The following CHEK2 variants were observed in gnomAD, a reference collection of about 807,000 sequenced individuals.
The protein encoded by CHEK2 is checkpoint kinase 2.
Under a neutral mutation model 69.1 loss-of-function variants are expected in CHEK2, and 71 were observed. The observed-to-expected ratio is 1.03, with a 90% CI of 0.85 to 1.25. The LOEUF (loss-of-function observed/expected upper bound fraction) is 1.25. Among genes scored for constraint, CHEK2 ranks in the 50% most tolerant of loss-of-function variants. The probability of loss-of-function intolerance (pLI) is 0.00; values close to 1 mark genes in which losing one functional copy is unlikely to be tolerated. For missense variants in CHEK2, 664 were observed against 649.6 expected, an observed-to-expected ratio of 1.02 and a Z score of -0.24; for synonymous variants, 189 against 226.9, an observed-to-expected ratio of 0.83 and a Z score of 1.50.
At chr22:28,694,250 C>T in intron 12 of CHEK2, 133 bp from the exon 13 acceptor site, 1 of 706,722 alleles carries the variant, frequency 1.4e-6, no homozygotes, top group Non-Finnish European at 2.6e-6. Flanking sequence ...GCAGACAGGG[C>T]CCCCTAATCT....
Position 28,703,551 on chromosome 22 carries a change from T to C in CHEK2, c.862A>G (p.Ile288Val), listed in dbSNP as rs1341939689. ...KKLNHPCIIK[I>V]KNFFDAEDYY... is the part of the protein sequence containing the mutation. ...TCTTCTGCATCAAAAAAGTTTTTAA[T>C]CTTGATGATGCAAGGCTAAGAAGAG... The change falls in exon 8 of 15, where the codon ATT becomes GTT. Residue 288 changes from isoleucine to valine, a missense_variant. Ile to Val is a conservative substitution (Grantham distance 29, BLOSUM62 3). Transcript: ENST00000404276. 2 of 1,561,252 alleles carry C rather than the reference T, an allele frequency of 1.3e-6. No individual in the cohort carries two copies. Among genetic ancestry groups the C allele is most frequent in the Admixed American group, 3.5e-5 (2 of 57,134 alleles).
chr22:28,695,975 T>C (rs1601724048), intron 10 of CHEK2, 102 bp from the exon 11 acceptor site: 2 of 874,812 alleles, frequency 2.3e-6, no homozygotes, highest in Non-Finnish European at 3.8e-6. Context: ...GATCAGTTTC[T>C]ATTGTACAAT....
At chr22:28,731,550 C>T (rs1410139905) in intron 2 of CHEK2, among the ~76,000 whole-genome samples, 1 of 151,050 alleles carries the variant, frequency 6.6e-6, no homozygotes, top group African/African-American at 2.4e-5. Context: ...GAGCCAAGAT[C>T]GTACCACTGC....
intron 7 of CHEK2, 82 bp downstream of exon 7, chr22:28,709,924 C>A: frequency 3.5e-6 from 3 of 859,336 alleles, no homozygotes; most frequent in Non-Finnish European, 1.9e-6. Flanking sequence ...CCAATATTAT[C>A]TTTATTATAC....
chr22:28,710,838 A>G (rs1660149461), intron 6 of CHEK2, among the ~76,000 whole-genome samples: 1 of 152,250 alleles, frequency 6.6e-6, no homozygotes, highest in African/African-American at 2.4e-5. Flanking sequence ...CTCTGATAAC[A>G]GGATGGTCAC....
chr22:28,711,836 T>A, intron 6 of CHEK2, 73 bp downstream of exon 6: 5 of 1,043,800 alleles, frequency 4.8e-6, no homozygotes, highest in Non-Finnish European at 7.5e-6. Context: ...TTAAAAATCA[T>A]CAATCTAAGA....
intron 7 of CHEK2, among the ~76,000 whole-genome samples, chr22:28,707,411 G>A (rs1424757532): frequency 3.3e-5 from 5 of 152,118 alleles, no homozygotes; most frequent in Non-Finnish European, 5.9e-5. Context: ...CTTCTCAAAC[G>A]ACTTCTCAGC....
intron 1 of CHEK2, among the ~76,000 whole-genome samples, chr22:28,740,391 A>G (rs560481357): frequency 1.4e-3 from 209 of 152,298 alleles, no homozygotes; most frequent in Non-Finnish European, 2.5e-3. Flanking sequence ...TGCCCGCATC[A>G]AAAACTCTTC....
rs374434631 is a variant in CHEK2, at chr22:28,711,885, G to A, written c.792+24C>T. 193 of 1,471,392 alleles carry A rather than the reference G, an allele frequency of 1.3e-4. No homozygotes were observed. The highest frequency in any genetic ancestry group is 1.7e-4 in the Non-Finnish European group (180 of 1,051,278). 91.1% of individuals were successfully genotyped at this position (1,471,392 alleles called of 1,614,324 possible). On this transcript the variant is annotated intron_variant, in intron 6 of 14. Coordinates refer to ENST00000404276, the MANE Select transcript of CHEK2 (RefSeq NM_007194.4). ...TTATGAAGACGTGTTAATAAAAGGTGATCAGCCTTTTATTGGTACTTACTG... is the reference window on the plus strand; with the variant it reads ...TTATGAAGACGTGTTAATAAAAGGTAATCAGCCTTTTATTGGTACTTACTG...
chr22:28,726,840 C>T (rs17882838), intron 2 of CHEK2, among the ~76,000 whole-genome samples: 39 of 146,568 alleles, frequency 2.7e-4, no homozygotes, highest in Admixed American at 1.9e-3. Flanking sequence ...TCCAGCCCCA[C>T]CTCATACCCC....
intron 5 of CHEK2, among the ~76,000 whole-genome samples, chr22:28,716,005 A>G (rs779447861): frequency 6.6e-6 from 1 of 151,814 alleles, no homozygotes; most frequent in Non-Finnish European, 1.5e-5. Flanking sequence ...AGCTGGGACT[A>G]CAGGTGCAGA....
At chr22:28,702,432 G>C (rs912270419) in intron 8 of CHEK2, among the ~76,000 whole-genome samples, 1 of 150,828 alleles carries the variant, frequency 6.6e-6, no homozygotes, top group East Asian at 1.9e-4. Context: ...TAGAGACAGG[G>C]TTTCACCGTG....
intron 8 of CHEK2, among the ~76,000 whole-genome samples, chr22:28,701,279 C>T (rs1210867481): frequency 6.6e-6 from 1 of 151,026 alleles, no homozygotes; most frequent in African/African-American, 2.4e-5. Context: ...CTGTCCATCA[C>T]GGCTCACTAC....
intron 1 of CHEK2, among the ~76,000 whole-genome samples, chr22:28,738,623 G>T (rs1483412453): frequency 6.6e-6 from 1 of 152,152 alleles, no homozygotes; most frequent in Non-Finnish European, 1.5e-5. Context: ...AAACCAAAGT[G>T]AGGGCAGCAA....
chr22:28,738,374 T>C (rs1386993439), intron 1 of CHEK2, among the ~76,000 whole-genome samples: 1 of 152,074 alleles, frequency 6.6e-6, no homozygotes, highest in Non-Finnish European at 1.5e-5. Flanking sequence ...CTGGAGAAAA[T>C]GTGTCAACAA....
rs147042282 is a variant in CHEK2 at position 28,719,772 on chromosome 22, C to A, written c.593-287G>T. Among the ~76,000 whole-genome samples the A allele has an allele frequency of 7.4e-3, 1,131 of 152,282 alleles. 16 individuals are homozygous for A. The highest frequency in any genetic ancestry group is 0.026 in the African/African-American group (1,090 of 41,570). ...TCCGTAACACAACATTATTTATATTCCTTGACCTCAGAATATCAATCAATT... is the reference window on the plus strand; with the variant it reads ...TCCGTAACACAACATTATTTATATTACTTGACCTCAGAATATCAATCAATT... On this transcript the variant is annotated intron_variant, in intron 4 of 14. Coordinates refer to ENST00000404276, the MANE Select transcript of CHEK2 (RefSeq NM_007194.4).
chr22:28,689,276 C>A lies in CHEK2; in HGVS notation c.1462-61G>T, dbSNP rs769493672. 5 of 1,109,432 alleles carry A rather than the reference C, an allele frequency of 4.5e-6. No homozygotes were observed. In the African/African-American group the frequency reaches 7.7e-5, roughly 17 times the overall value. 68.7% of individuals were successfully genotyped at this position (1,109,432 alleles called of 1,614,324 possible). On this transcript the variant is annotated intron_variant, in intron 13 of 14. Coordinates refer to ENST00000404276, the MANE Select transcript of CHEK2 (RefSeq NM_007194.4). ...GAAGGATAATAAACTCCTAGAATGA[C>A]AGGGCTAGCATGCCCCTGTGGAAAG...
intron 7 of CHEK2, among the ~76,000 whole-genome samples, chr22:28,704,117 GACAGACACACAC>G (rs1469232578): frequency 5.5e-5 from 5 of 90,778 alleles, no homozygotes; most frequent in African/African-American, 1.7e-4. Flanking sequence ...GAGAGAGACA[GACAGACACACAC>G]ACACACACAC....
intron 7 of CHEK2, among the ~76,000 whole-genome samples, chr22:28,709,774 G>A (rs2053315209): frequency 6.6e-6 from 1 of 152,010 alleles, no homozygotes; most frequent in Non-Finnish European, 1.5e-5. Context: ...GTGCCACCAT[G>A]CCCAGCTAAA....
Sources: allele counts gnomAD v4.1 joint callset (sites outside exome capture counted in the v4.1 genomes callset), GRCh38; gene constraint gnomAD v4.1.1; transcripts MANE v1.5; gene names NCBI Gene and HGNC (gene_info 2026-07-23, HGNC 2026-07-21).